Variants in ST3GAL4 observed in about 807,000 individuals in gnomAD.
ST3GAL4 encodes the protein CMP-N-acetylneuraminate-beta-galactosamide-alpha-2,3-sialyltransferase 4.
A neutral mutation model predicts 42.6 loss-of-function variants in ST3GAL4; 24 were observed. The ratio of observed to expected loss-of-function variants is 0.56; its 90% CI spans 0.41 to 0.79. The LOEUF is 0.79. Ranked by LOEUF, ST3GAL4 falls within the 30% of genes least tolerant of loss-of-function variation. The pLI, the probability that ST3GAL4 is intolerant of heterozygous loss-of-function variation, is 0.00. For synonymous variants in ST3GAL4, 135 were observed against 163.2 expected, an observed-to-expected ratio of 0.83 and a Z score of 1.32; for missense variants, 311 against 430.8, an observed-to-expected ratio of 0.72 and a Z score of 2.46.
chr11:126,368,383 C>G (rs1414275243), intron 1 of ST3GAL4, among the ~76,000 whole-genome samples: 1 of 152,186 alleles, frequency 6.6e-6, no homozygotes, highest in Non-Finnish European at 1.5e-5. Flanking sequence ...AAGTCAGTCA[C>G]CTGCTCGCAG....
intron 1 of ST3GAL4, among the ~76,000 whole-genome samples, chr11:126,382,201 G>A (rs1019260516): frequency 6.0e-5 from 9 of 150,050 alleles, no homozygotes; most frequent in Non-Finnish European, 1.2e-4. Flanking sequence ...GTGTGTTCTC[G>A]GGGGTGGGGG....
Position 126,414,040 on chromosome 11 carries a change from CCTT to C in ST3GAL4, c.998_1000del (p.Phe333del). On this transcript the variant is annotated inframe_deletion, in exon 11 of 11. Transcript: ENST00000444328. ...ATGGGAGCTATCAAGAACCTCACGT[CCTT>C]CTGACCTGGGCAAGAGCTGTAGCCT... 1.2e-6 allele frequency: 2 copies of C among 1,614,238 alleles called. No homozygotes were observed. The highest frequency in any genetic ancestry group is 1.1e-5 in the South Asian group (1 of 91,086).
Position 126,406,359 on chromosome 11 carries a change from C to A in ST3GAL4, c.17-114C>A, listed in dbSNP as rs1954229967. The stretch of plus-strand genomic sequence containing the variant: ...GCCAGGGCCAGGAGAGGGCCAGAGA[C>A]TGCTTCTGTTGAGTTAGGGGTCGGA... On this transcript the variant is annotated intron_variant, in intron 2 of 10. Coordinates refer to ENST00000444328, the MANE Select transcript of ST3GAL4 (RefSeq NM_001254757.2). This position sits in a 1 kb window ranked among gnomAD's most constrained non-coding sequence, Gnocchi z 5.4. 1.9e-6 allele frequency: 3 copies of A among 1,570,560 alleles called. No homozygotes were observed. Among genetic ancestry groups the A allele is most frequent in the South Asian group, 2.3e-5 (2 of 86,084 alleles).
intron 1 of ST3GAL4, among the ~76,000 whole-genome samples, chr11:126,404,054 A>AT (rs1293593386): frequency 3.9e-5 from 6 of 152,206 alleles, no homozygotes; most frequent in Admixed American, 3.3e-4. Flanking sequence ...CATTTAAAAA[A>AT]TTTTTTTTGT....
chr11:126,359,729 C>CTCCCTCCTTCCCTCCTTCCCTCCT lies in ST3GAL4; in HGVS notation c.-61+3900_-61+3923dup, dbSNP rs149358402. Among the ~76,000 whole-genome samples the CTCCCTCCTTCCCTCCTTCCCTCCT allele has an allele frequency of 0.015, 2,270 of 151,428 alleles. 62 individuals carry two copies. Among genetic ancestry groups the CTCCCTCCTTCCCTCCTTCCCTCCT allele is most frequent in the African/African-American group, 0.051 (2,093 of 41,002 alleles). On this transcript the variant is annotated intron_variant, in intron 1 of 10. Coordinates refer to ENST00000444328, the MANE Select transcript of ST3GAL4 (RefSeq NM_001254757.2). This position sits in a 1 kb window ranked among gnomAD's most constrained non-coding sequence, Gnocchi z 4.8. Reference sequence around the variant, plus strand: ...GCGGGGCAGGACAAGGTTCTTCTCCCTCCCTCCTTCCCTCCTTCCCTCCTT... The same window carrying CTCCCTCCTTCCCTCCTTCCCTCCT: ...GCGGGGCAGGACAAGGTTCTTCTCCCTCCCTCCTTCCCTCCTTCCCTCCTTCCCTCCTTCCCTCCTTCCCTCCTT...
At chr11:126,403,274 C>A in intron 1 of ST3GAL4, 1 of 617,040 alleles carries the variant, frequency 1.6e-6, no homozygotes, top group Non-Finnish European at 2.0e-6. Flanking sequence ...CAATGTAGAA[C>A]TTTACTGGGG....
At position 126,401,178 on chromosome 11, in the gene ST3GAL4, A is replaced by G. The variant is rs1219095585; in HGVS notation, c.-60-4918A>G. Among the ~76,000 whole-genome samples, 9 of 152,134 alleles carry G rather than the reference A, an allele frequency of 5.9e-5. No homozygotes were observed. The East Asian group carries it at 1.7e-3, about 29-fold the overall frequency. On this transcript the variant is annotated intron_variant, in intron 1 of 10. Transcript: ENST00000444328. The stretch of plus-strand genomic sequence containing the variant: ...AAAGAGCTCGAATCATCAGTGTATG[A>G]ATAGTAGTTAAACCTCTGAAAATGA...
In ST3GAL4 at chr11:126,388,767, CT is replaced by C. The variant is rs10683946; in HGVS notation, c.-60-17308del. ...CAAATGTACTTTAGTTTTTCAGTGT[CT>C]TTTTTTTTTTTTTTTTTTTTGAGAC... On this transcript the variant is annotated intron_variant, in intron 1 of 10. Coordinates refer to ENST00000444328, the MANE Select transcript of ST3GAL4 (RefSeq NM_001254757.2). 3.4e-3 allele frequency among the ~76,000 whole-genome samples: 179 copies of C among 52,040 alleles called. 23 individuals carry two copies. The highest frequency in any genetic ancestry group is 0.027 in the South Asian group (32 of 1,174). 34.1% of individuals were successfully genotyped at this position (52,040 alleles called of 152,430 possible).
rs1953554849 is a variant in ST3GAL4, at chr11:126,392,432, G to A, written c.-60-13664G>A. 2.1e-6 allele frequency: 2 copies of A among 939,002 alleles called. No individual in the cohort carries two copies. Among genetic ancestry groups the A allele is most frequent in the South Asian group, 9.8e-5 (2 of 20,322 alleles). 58.2% of individuals were successfully genotyped at this position (939,002 alleles called of 1,614,324 possible). A position where few individuals can be genotyped will look rare whatever the true frequency, so the allele number is the denominator to read the frequency against. On this transcript the variant is annotated intron_variant, in intron 1 of 10. Coordinates refer to ENST00000444328, the MANE Select transcript of ST3GAL4 (RefSeq NM_001254757.2). The surrounding 1 kb of genome is among the most constrained non-coding windows in gnomAD (Gnocchi z 5.8). ...CTTCATTTGCCTGGGGATAAAGCAG[G>A]TCCTTGTGAGCTCATCGACATGCAT...
chr11:126,408,149 A>G lies in ST3GAL4; in HGVS notation c.392A>G (p.Asn131Ser), dbSNP rs1350714301. The G allele has an allele frequency of 1.7e-5, 28 of 1,614,048 alleles. No individual in the cohort carries two copies. The highest frequency in any genetic ancestry group is 4.5e-5 in the East Asian group (2 of 44,888). The change falls in exon 7 of 11, where the codon AAC becomes AGC. Residue 131 changes from asparagine to serine, a missense_variant. Asn to Ser is a conservative substitution (Grantham distance 46, BLOSUM62 1). Transcript: ENST00000444328. ...VVVGNGHRLR[N>S]SSLGDAINKY... ...GTGGGGAACGGGCACCGGCTGCGGA[A>G]CAGCTCACTGGGAGATGCCATCAAC...
At position 126,371,231 on chromosome 11, in the gene ST3GAL4, C is replaced by G. The variant is rs186402357; in HGVS notation, c.-61+15389C>G. On this transcript the variant is annotated intron_variant, in intron 1 of 10. Transcript: ENST00000444328. ...CCAGGCTGGAGTGCAGTGGCGCGAT[C>G]TCGGCTCACTGCAATCTCTGCCTCC... Among the ~76,000 whole-genome samples, 254 of 121,132 alleles carry G rather than the reference C, an allele frequency of 2.1e-3. 2 individuals are homozygous for G. The highest frequency in any genetic ancestry group is 0.017 in the Middle Eastern group (3 of 172). The allele number at this position is 121,132 out of a possible 152,430, so 79.5% of individuals were successfully genotyped here.
At position 126,393,918 on chromosome 11, in the gene ST3GAL4, TAATG is replaced by T. The variant is rs1366380273; in HGVS notation, c.-60-12175_-60-12172del. Among the ~76,000 whole-genome samples, 7 of 152,366 alleles carry T rather than the reference TAATG, an allele frequency of 4.6e-5. No individual in the cohort carries two copies. Among genetic ancestry groups the T allele is most frequent in the Admixed American group, 2.0e-4 (3 of 15,306 alleles). ...ATTTCAACATGGGATGAGCATAAAA[TAATG>T]AAGGTGATATTTTATTCTTTTTTTG... On this transcript the variant is annotated intron_variant, in intron 1 of 10. Coordinates refer to ENST00000444328, the MANE Select transcript of ST3GAL4 (RefSeq NM_001254757.2). The surrounding 1 kb of genome is among the most constrained non-coding windows in gnomAD (Gnocchi z 5.9).
At chr11:126,413,880 T>C (rs1278859719) in intron 10 of ST3GAL4, 81 bp from the exon 11 acceptor site, 16 of 1,530,330 alleles carry the variant, frequency 1.0e-5, no homozygotes, top group Admixed American at 5.3e-5. Flanking sequence ...TGTGGGGCCA[T>C]TGGGAGGGGC....
chr11:126,399,462 AC>A (rs1471505970), intron 1 of ST3GAL4, among the ~76,000 whole-genome samples: 16 of 151,072 alleles, frequency 1.1e-4, no homozygotes, highest in Admixed American at 9.9e-4. Context: ...GTGCCACCAC[AC>A]CCAGCTAATT....
Position 126,378,025 on chromosome 11 carries a change from T to C in ST3GAL4, c.-61+22183T>C, listed in dbSNP as rs535967452. On this transcript the variant is annotated intron_variant, in intron 1 of 10. Transcript: ENST00000444328. This position sits in a 1 kb window ranked among gnomAD's most constrained non-coding sequence, Gnocchi z 5.3. ...GAAATCCAGAACCCCTTCGTAAGAC[T>C]GTGTCTGGGATATTATGATTCTCTT... 1.9e-4 allele frequency among the ~76,000 whole-genome samples: 29 copies of C among 152,320 alleles called. No individual in the cohort carries two copies. Among genetic ancestry groups the C allele is most frequent in the Admixed American group, 1.6e-3 (25 of 15,296 alleles).
At position 126,406,336 on chromosome 11, in the gene ST3GAL4, C is replaced by A; in HGVS notation, c.17-137C>A. ...GTACAATCAGGGTCAAGCCCTCAGC[C>A]AGGGCCAGGAGAGGGCCAGAGACTG... On this transcript the variant is annotated intron_variant, in intron 2 of 10. Transcript: ENST00000444328. The surrounding 1 kb of genome is among the most constrained non-coding windows in gnomAD (Gnocchi z 5.4). 1 of 1,544,296 alleles carries A rather than the reference C, an allele frequency of 6.5e-7. No individual in the cohort carries two copies. Among genetic ancestry groups the A allele is most frequent in the Non-Finnish European group, 8.7e-7 (1 of 1,144,340 alleles).
At position 126,367,108 on chromosome 11, in the gene ST3GAL4, T is replaced by C. The variant is rs932876832; in HGVS notation, c.-61+11266T>C. ...CCGCTCATGACAGGAGGCTGGTGTC[T>C]GGTCAGGCTGAGGGATCCGTGTGCC... On this transcript the variant is annotated intron_variant, in intron 1 of 10. Coordinates refer to ENST00000444328, the MANE Select transcript of ST3GAL4 (RefSeq NM_001254757.2). 3.9e-5 allele frequency among the ~76,000 whole-genome samples: 6 copies of C among 152,196 alleles called. No individual in the cohort carries two copies. The South Asian group carries it at 6.2e-4, about 16-fold the overall frequency.
chr11:126,414,244 G>A lies in ST3GAL4; in HGVS notation c.*197G>A. On this transcript the variant is annotated 3_prime_UTR_variant, in exon 11 of 11. Coordinates refer to ENST00000444328, the MANE Select transcript of ST3GAL4 (RefSeq NM_001254757.2). ...TATGGAGCCGAGATCCAGTCAGGGT[G>A]GGGGCGCTGGAGCCGTGGGAGCCCG... is the stretch of plus-strand genomic sequence containing the variant. 3.3e-6 allele frequency: 2 copies of A among 605,948 alleles called. No homozygotes were observed. The highest frequency in any genetic ancestry group is 2.8e-5 in the East Asian group (1 of 35,712). The allele number at this position is 605,948 out of a possible 1,614,324, so 37.5% of individuals were successfully genotyped here.
In ST3GAL4 at chr11:126,366,880, T is replaced by G. The variant is rs1053849604; in HGVS notation, c.-61+11038T>G. Reference sequence around the variant, plus strand: ...TTAAAAGCAGAGCCGAGAGCCTGAATTCAGAGGCTGTACTGTGGGGCAGGG... The same window carrying G: ...TTAAAAGCAGAGCCGAGAGCCTGAAGTCAGAGGCTGTACTGTGGGGCAGGG... On this transcript the variant is annotated intron_variant, in intron 1 of 10. Transcript: ENST00000444328. The surrounding 1 kb of genome is among the most constrained non-coding windows in gnomAD (Gnocchi z 4.2). Among the ~76,000 whole-genome samples, 2 of 152,156 alleles carry G rather than the reference T, an allele frequency of 1.3e-5. No individual in the cohort carries two copies. The highest frequency in any genetic ancestry group is 4.8e-5 in the African/African-American group (2 of 41,424).
Sources: gnomAD v4.1 joint callset for allele counts (sites outside exome capture counted in the v4.1 genomes callset) on GRCh38, gnomAD v4.1.1 for gene constraint, Gnocchi (gnomAD v3.1) non-coding constraint, MANE v1.5 for transcripts, NCBI Gene and HGNC (gene_info 2026-07-23, HGNC 2026-07-21) for gene names.